The following XKR4 variants were observed in gnomAD, a reference collection of about 807,000 sequenced individuals.
XKR4 encodes XK-related protein 4.
In XKR4, 12 loss-of-function variants were observed where a neutral mutation model predicts 53.9. The observed-to-expected ratio is 0.22, with a 90% CI of 0.14 to 0.36. XKR4 has a LOEUF of 0.36. XKR4 is among the 10% of genes least tolerant of loss of function. XKR4 has a pLI of 1.00. For synonymous variants in XKR4, 354 were observed against 362.4 expected (o/e 0.98, Z 0.26); for missense variants, 799 against 859.5 (o/e 0.93, Z 0.88).
intron 1 of XKR4, among the ~76,000 whole-genome samples, chr8:55,152,702 A>T (rs1816854872): frequency 6.6e-6 from 1 of 152,210 alleles, no homozygotes; most frequent in Non-Finnish European, 1.5e-5. Context: ...ATAACTGATT[A>T]AAAAGTAGAG....
chr8:55,453,201 C>T (rs1805483825), intron 2 of XKR4: 1 of 493,380 alleles, frequency 2.0e-6, no homozygotes, highest in Middle Eastern at 3.1e-4. Flanking sequence ...ACTACCTTAC[C>T]CCTTGGCTCC....
chr8:55,397,693 C>T (rs115588715), intron 2 of XKR4, among the ~76,000 whole-genome samples: 259 of 152,294 alleles, frequency 1.7e-3, no homozygotes, highest in African/African-American at 5.9e-3. Flanking sequence ...ACTCCCAAGC[C>T]CGTGGGTGCA....
chr8:55,301,665 C>T (rs1463033950), intron 1 of XKR4, among the ~76,000 whole-genome samples: 1 of 152,108 alleles, frequency 6.6e-6, no homozygotes, highest in Admixed American at 6.6e-5. Flanking sequence ...CTGTTGTTTC[C>T]TGACTTTTTA....
At chr8:55,154,344 C>G (rs996913467) in intron 1 of XKR4, among the ~76,000 whole-genome samples, 1 of 152,132 alleles carries the variant, frequency 6.6e-6, no homozygotes, top group Non-Finnish European at 1.5e-5. Context: ...AGGCTCACAT[C>G]GTTCTTGTGT....
At chr8:55,513,505 C>A (rs892573491) in intron 2 of XKR4, among the ~76,000 whole-genome samples, 4 of 152,180 alleles carry the variant, frequency 2.6e-5, no homozygotes, top group African/African-American at 9.7e-5. Flanking sequence ...ACCTATCATG[C>A]CTGTTCACTC....
intron 1 of XKR4, among the ~76,000 whole-genome samples, chr8:55,188,168 T>C (rs1032743829): frequency 2.6e-5 from 4 of 152,154 alleles, no homozygotes; most frequent in African/African-American, 9.7e-5. Context: ...TATAGTTGAG[T>C]TACAACTAGA....
intron 2 of XKR4, among the ~76,000 whole-genome samples, chr8:55,480,639 A>G (rs1806086787): frequency 6.6e-6 from 1 of 152,048 alleles, no homozygotes; most frequent in African/African-American, 2.4e-5. Context: ...ACATGATTGT[A>G]TATTTAGAAA....
chr8:55,529,662 C>G lies in XKR4; in HGVS notation c.*5435C>G, dbSNP rs1294191798. 1 of 152,182 alleles carries G rather than the reference C, an allele frequency of 6.6e-6. No individual in the cohort carries two copies. The highest frequency in any genetic ancestry group is 1.5e-5 in the Non-Finnish European group (1 of 68,034). The allele number at this position is 152,182 out of a possible 1,614,324, so 9.4% of individuals were successfully genotyped here. A position where few individuals can be genotyped will look rare whatever the true frequency, so the allele number is the denominator to read the frequency against. ...AAACAGTGGGGCTGAGGGTTGAGCA[C>G]AGCTTTCAACAACTGCGACTTCTGG... On this transcript the variant is annotated 3_prime_UTR_variant, in exon 3 of 3. Coordinates refer to ENST00000327381, the MANE Select transcript of XKR4 (RefSeq NM_052898.2).
intron 1 of XKR4, among the ~76,000 whole-genome samples, chr8:55,287,653 C>T (rs1286328508): frequency 1.3e-5 from 2 of 152,198 alleles, no homozygotes; most frequent in Non-Finnish European, 2.9e-5. Flanking sequence ...TGCAGATTTG[C>T]AGGTAACTCA....
intron 2 of XKR4, among the ~76,000 whole-genome samples, chr8:55,416,646 T>C (rs1157319395): frequency 1.3e-5 from 2 of 150,768 alleles, no homozygotes; most frequent in Non-Finnish European, 2.9e-5. Context: ...AGCAGGGGGG[T>C]GAAAAGAAGA....
chr8:55,421,731 G>A (rs1438553868), intron 2 of XKR4, among the ~76,000 whole-genome samples: 1 of 152,210 alleles, frequency 6.6e-6, no homozygotes, highest in African/African-American at 2.4e-5. Flanking sequence ...CCCTCAGTTT[G>A]TTACAATAAC....
At chr8:55,178,101 G>A (rs1301826524) in intron 1 of XKR4, among the ~76,000 whole-genome samples, 4 of 152,182 alleles carry the variant, frequency 2.6e-5, no homozygotes, top group South Asian at 2.1e-4. Flanking sequence ...TTCCAAGGTC[G>A]CTCACATTCT....
rs191726347 is a variant in XKR4, at chr8:55,296,350, C to T, written c.807-61328C>T. Among the ~76,000 whole-genome samples, 26 of 152,296 alleles carry T rather than the reference C, an allele frequency of 1.7e-4. No homozygotes were observed. In the East Asian group the frequency reaches 2.9e-3, roughly 17 times the overall value. Reference sequence around the variant, plus strand: ...CTGCAAAATGGAGTCTTTGACTGAACGTCCATATGGCCAGCTAAAATGTGG... The same window carrying T: ...CTGCAAAATGGAGTCTTTGACTGAATGTCCATATGGCCAGCTAAAATGTGG... On this transcript the variant is annotated intron_variant, in intron 1 of 2. Transcript: ENST00000327381.
At position 55,533,246 on chromosome 8, in the gene XKR4, T is replaced by C. The variant is rs903844850; in HGVS notation, c.*9019T>C. 1 of 152,236 alleles carries C rather than the reference T, an allele frequency of 6.6e-6. No homozygotes were observed. The highest frequency in any genetic ancestry group is 2.4e-5 in the African/African-American group (1 of 41,466). The allele number at this position is 152,236 out of a possible 1,614,324, so 9.4% of individuals were successfully genotyped here. A position where few individuals can be genotyped will look rare whatever the true frequency, so the allele number is the denominator to read the frequency against. ...TGTTGCATTCACTTAGCAATTAACCTTTGACCTGTGGTTTTCTGCTGAGCC... is the reference window on the plus strand; with the variant it reads ...TGTTGCATTCACTTAGCAATTAACCCTTGACCTGTGGTTTTCTGCTGAGCC... On this transcript the variant is annotated 3_prime_UTR_variant, in exon 3 of 3. Coordinates refer to ENST00000327381, the MANE Select transcript of XKR4 (RefSeq NM_052898.2).
At chr8:55,237,942 G>C (rs952560090) in intron 1 of XKR4, among the ~76,000 whole-genome samples, 1 of 151,560 alleles carries the variant, frequency 6.6e-6, no homozygotes, top group African/African-American at 2.4e-5. Context: ...AGAAAAAAAA[G>C]GAAGAGGGAA....
At chr8:55,172,649 A>C (rs1032077804) in intron 1 of XKR4, among the ~76,000 whole-genome samples, 1 of 152,210 alleles carries the variant, frequency 6.6e-6, no homozygotes, top group African/African-American at 2.4e-5. Context: ...CAGGTATTTA[A>C]AAAACACATG....
chr8:55,403,497 T>C (rs775001071), intron 2 of XKR4, among the ~76,000 whole-genome samples: 100 of 152,236 alleles, frequency 6.6e-4, no homozygotes, highest in Non-Finnish European at 1.1e-3. Flanking sequence ...TTTAGAAAAA[T>C]ATCACCCGAA....
intron 1 of XKR4, among the ~76,000 whole-genome samples, chr8:55,287,903 A>C (rs758460627): frequency 7.2e-5 from 11 of 152,200 alleles, no homozygotes; most frequent in Admixed American, 2.0e-4. Context: ...AACTCTGACT[A>C]TTAGAACCTG....
chr8:55,369,738 A>C (rs1433988974), intron 2 of XKR4, among the ~76,000 whole-genome samples: 4 of 152,198 alleles, frequency 2.6e-5, no homozygotes, highest in African/African-American at 9.7e-5. Flanking sequence ...AATACATCAC[A>C]AACATATATT....
Sources: gnomAD v4.1 joint callset for allele counts (sites outside exome capture counted in the v4.1 genomes callset) on GRCh38, gnomAD v4.1.1 for gene constraint, MANE v1.5 for transcripts, NCBI Gene and HGNC (gene_info 2026-07-23, HGNC 2026-07-21) for gene names.